The following NOTCH4 variants were observed in gnomAD, a reference collection of about 807,000 sequenced individuals.
The protein encoded by NOTCH4 is neurogenic locus notch homolog protein 4.
NOTCH4 carries 138 observed loss-of-function variants against 189.0 expected under a neutral mutation model. The observed-to-expected ratio is 0.73, with a 90% CI of 0.64 to 0.84. The LOEUF is 0.84. NOTCH4 is among the 40% of genes least tolerant of loss of function. NOTCH4 has a pLI of 0.00. For missense variants in NOTCH4, 2,286 were observed against 2,605.4 expected (o/e 0.88, Z 2.67); for synonymous variants, 942 against 1,032.8 (o/e 0.91, Z 1.69).
Position 32,222,661 on chromosome 6 carries a change from A to G in NOTCH4, c.301T>C (p.Phe101Leu), listed in dbSNP as rs1410000411. ...AAGCCAGGGAGGCAAGTGCACAAGA[A>G]GCTGGGTGTCAATGGAGAGGGAGAG... is the stretch of plus-strand genomic sequence containing the variant. ...PSSPSPLTPS[F>L]LCTCLPGFTG... The change falls in exon 3 of 30, where the codon TTC becomes CTC. Residue 101 changes from phenylalanine (F) to leucine (L), a missense_variant. This residue lies in a region of NOTCH4 where 1,903 missense variants were observed against 2,261.9 expected (regional missense o/e 0.84). Transcript: ENST00000375023. 1 of 1,605,192 alleles carries G rather than the reference A, an allele frequency of 6.2e-7. No individual in the cohort carries two copies. Among genetic ancestry groups the G allele is most frequent in the Non-Finnish European group, 8.5e-7 (1 of 1,177,556 alleles).
In NOTCH4 at chr6:32,213,710, G is replaced by A. The variant is rs770224442; in HGVS notation, c.2298C>T (p.Thr766=). 1.9e-5 allele frequency: 31 copies of A among 1,612,848 alleles called. No individual in the cohort carries two copies. The highest frequency in any genetic ancestry group is 1.7e-4 in the Middle Eastern group (1 of 6,026). The change falls in exon 14 of 30, where the codon ACC becomes ACT. Residue 766 remains threonine, a synonymous_variant. Coordinates refer to ENST00000375023, the MANE Select transcript of NOTCH4 (RefSeq NM_004557.4). ...CACCAGACACACAGTAGTCAGTGCT[G>A]GTTTGGCACTGGGGCCCTGTGTGGC... ...PPSHTGPQCQ[T]STDYCVSAPC...
At chr6:32,211,594 AAAATAAAT>A (rs55792395) in intron 17 of NOTCH4, among the ~76,000 whole-genome samples, 16,075 of 137,120 alleles carry the variant, frequency 0.12, 1,082 homozygotes, top group Non-Finnish European at 0.14. Context: ...CTCCATCTCA[AAAATAAAT>A]AAATAAATAA....
chr6:32,220,082 A>T, intron 7 of NOTCH4, 47 bp downstream of exon 7: 8 of 1,585,074 alleles, frequency 5.0e-6, no homozygotes, highest in Non-Finnish European at 6.9e-6. Context: ...TTCAGTGCAG[A>T]GGCCTGTCTG....
rs1788949211 is a variant in NOTCH4 at position 32,210,604 on chromosome 6, G to A, written c.2865+148C>T. ...TGAGAAAACTTCAGGAGATAAAGTG[G>A]CATGACTTTGTGGTTAGTTGGGTGT... On this transcript the variant is annotated intron_variant, in intron 18 of 29. Transcript: ENST00000375023. The surrounding 1 kb of genome is among the most constrained non-coding windows in gnomAD (Gnocchi z 4.8). The A allele has an allele frequency of 1.4e-6, 1 of 721,682 alleles. No individual in the cohort carries two copies. Among genetic ancestry groups the A allele is most frequent in the East Asian group, 2.7e-5 (1 of 37,032 alleles). 44.7% of individuals were successfully genotyped at this position (721,682 alleles called of 1,614,324 possible).
chr6:32,224,032 C>T lies in NOTCH4; in HGVS notation c.-104G>A, dbSNP rs941801760. 21 of 1,181,260 alleles carry T rather than the reference C, an allele frequency of 1.8e-5. No individual in the cohort carries two copies. The highest frequency in any genetic ancestry group is 2.1e-5 in the Non-Finnish European group (18 of 862,410). The allele number at this position is 1,181,260 out of a possible 1,614,324, so 73.2% of individuals were successfully genotyped here. A position where few individuals can be genotyped will look rare whatever the true frequency, so the allele number is the denominator to read the frequency against. ...CACCTCCTCTGCTCCCACTGCCCCT[C>T]TTCTTCCTCCTCGGCCTGCTGCAAG... On this transcript the variant is annotated 5_prime_UTR_variant, in exon 1 of 30. Coordinates refer to ENST00000375023, the MANE Select transcript of NOTCH4 (RefSeq NM_004557.4).
rs1429133208 is a variant in NOTCH4, at chr6:32,220,464, C to T, written c.1100G>A (p.Gly367Glu). ...GCCCACCCGGTCAATGCAGGTGGAT[C>T]CCGGGGCACAGGTGGCAGCAATACA... ...DDCIAATCAP[G>E]STCIDRVGSF... The change falls in exon 6 of 30, where the codon GGA becomes GAA. Residue 367 changes from glycine to glutamate, a missense_variant. Transcript: ENST00000375023. 5 of 1,614,002 alleles carry T rather than the reference C, an allele frequency of 3.1e-6. No individual in the cohort carries two copies. The highest frequency in any genetic ancestry group is 4.2e-6 in the Non-Finnish European group (5 of 1,180,026).
intron 7 of NOTCH4, 74 bp from the exon 8 acceptor site, chr6:32,219,860 G>C: frequency 7.8e-7 from 1 of 1,279,980 alleles, no homozygotes; most frequent in South Asian, 1.4e-5. Flanking sequence ...TGTCAGGGAA[G>C]GTGTGGGGGC....
chr6:32,213,884 C>T, intron 13 of NOTCH4, 44 bp from the exon 14 acceptor site: 7 of 1,598,648 alleles, frequency 4.4e-6, no homozygotes, highest in Non-Finnish European at 6.0e-6. Flanking sequence ...TCCTCCTTCC[C>T]TCCCTCCGCT....
At position 32,223,075 on chromosome 6, in the gene NOTCH4, C is replaced by G; in HGVS notation, c.85G>C (p.Gly29Arg). ...TTGGCACAGGGTTCTGGGAAACTCC[C>G]ACACAGCAGCCCTGAGGGTGGAGAG... is the stretch of plus-strand genomic sequence containing the variant. ...SVVRPRGLLC[G>R]SFPEPCANGG... Residue 29 changes from glycine (G) to arginine (R), a missense_variant, in exon 2 of 30, where the codon GGG (glycine) becomes CGG (arginine). Gly to Arg is a moderately radical substitution (Grantham distance 125, BLOSUM62 -2). This residue lies in a region of NOTCH4 where 1,903 missense variants were observed against 2,261.9 expected (regional missense o/e 0.84). Transcript: ENST00000375023. The G allele has an allele frequency of 6.2e-7, 1 of 1,614,000 alleles. No individual in the cohort carries two copies. The highest frequency in any genetic ancestry group is 8.5e-7 in the Non-Finnish European group (1 of 1,179,920).
chr6:32,211,313 G>A (rs144180004), intron 17 of NOTCH4, among the ~76,000 whole-genome samples: 25 of 151,324 alleles, frequency 1.7e-4, no homozygotes, highest in Middle Eastern at 3.4e-3. Context: ...GGATGTGGCC[G>A]GGCGTGGTGG....
Position 32,195,039 on chromosome 6 carries a change from A to C in NOTCH4, c.*398T>G, listed in dbSNP as rs1264829283. On this transcript the variant is annotated 3_prime_UTR_variant, in exon 30 of 30. Transcript: ENST00000375023. The surrounding 1 kb of genome is among the most constrained non-coding windows in gnomAD (Gnocchi z 5.4). ...AGTGCCTGGCACATAGTAGGTGCCC[A>C]ATAAATATTTGTCAGCCATTTGTGG... is the stretch of plus-strand genomic sequence containing the variant. 1.1e-5 allele frequency: 3 copies of C among 262,690 alleles called. No homozygotes were observed. In the East Asian group the frequency reaches 1.7e-4, roughly 15 times the overall value. The allele number at this position is 262,690 out of a possible 1,614,324, so 16.3% of individuals were successfully genotyped here. A position where few individuals can be genotyped will look rare whatever the true frequency, so the allele number is the denominator to read the frequency against.
Position 32,201,499 on chromosome 6 carries a change from G to C in NOTCH4, c.3757C>G (p.Pro1253Ala), listed in dbSNP as rs748494541. The C allele has an allele frequency of 3.9e-5, 58 of 1,484,116 alleles. No homozygotes were observed. The highest frequency in any genetic ancestry group is 5.2e-5 in the Non-Finnish European group (58 of 1,116,790). The allele number at this position is 1,484,116 out of a possible 1,614,324, so 91.9% of individuals were successfully genotyped here. Residue 1253 changes from proline (P) to alanine (A), a missense_variant and splice_region_variant, in exon 22 of 30, where the codon CCA becomes GCA. Transcript: ENST00000375023. The surrounding 1 kb of genome is among the most constrained non-coding windows in gnomAD (Gnocchi z 5.5). ...YDCETPPACT[P>A]AYDQYCHDHF... ...TCATGGCAGTACTGGTCATAGGCTG[G>C]ACTGTGGGGTAAGGAGAGGGGGACT...
chr6:32,202,296 C>G lies in NOTCH4; in HGVS notation c.3535G>C (p.Glu1179Gln). 1 of 1,609,430 alleles carries G rather than the reference C, an allele frequency of 6.2e-7. No homozygotes were observed. The highest frequency in any genetic ancestry group is 1.7e-5 in the Admixed American group (1 of 59,888). ...CAGGCCCCATCTCCACTTCTGCCCT[C>G]ACACCCCTTGGCTCCGGGTTTCTGA... The part of the protein sequence containing the change: ...RCQKPGAKGC[E>Q]GRSGDGACDA... Residue 1179 changes from glutamate to glutamine, a missense_variant, in exon 21 of 30, where the codon GAG (glutamate) becomes CAG (glutamine). Physicochemically the swap from Glu to Gln is conservative, Grantham distance 29. Transcript: ENST00000375023. The surrounding 1 kb of genome is among the most constrained non-coding windows in gnomAD (Gnocchi z 5.7).
Position 32,219,579 on chromosome 6 carries a change from A to C in NOTCH4, c.1510+13T>G. ...CCCTGTTTTCCCCACCCAAGGCCCC[A>C]TCCAGCTGATACCTGGCGGGCAGAG... On this transcript the variant is annotated intron_variant, in intron 8 of 29. Transcript: ENST00000375023. 6.2e-7 allele frequency: 1 copy of C among 1,611,066 alleles called. No homozygotes were observed. Among genetic ancestry groups the C allele is most frequent in the Non-Finnish European group, 8.5e-7 (1 of 1,179,000 alleles).
chr6:32,215,277 C>T lies in NOTCH4; in HGVS notation c.1970G>A (p.Gly657Asp). ...GCAGTTGTCCTCAGGTGGGGCACAG[C>T]CAGGGCTTCCATCAGGACAGAGGCA... ...ANCLCPDGSP[G>D]CAPPEDNCTC... Residue 657 changes from glycine to aspartate, a missense_variant, in exon 12 of 30, where the codon GGC (glycine) becomes GAC (aspartate). Physicochemically the swap from Gly to Asp is moderately conservative, Grantham distance 94. Transcript: ENST00000375023. 1 of 1,606,200 alleles carries T rather than the reference C, an allele frequency of 6.2e-7. No individual in the cohort carries two copies. Among genetic ancestry groups the T allele is most frequent in the South Asian group, 1.1e-5 (1 of 89,348 alleles).
Position 32,222,511 on chromosome 6 carries a change from C to G in NOTCH4, c.451G>C (p.Gly151Arg). Residue 151 changes from glycine (G) to arginine (R), a missense_variant and splice_region_variant, in exon 3 of 30, where the codon GGT becomes CGT. Physicochemically the swap from Gly to Arg is moderately radical, Grantham distance 125. Around this residue, in one of 2 missense-constraint regions of NOTCH4, gnomAD observed 1,903 missense variants for 2,261.9 expected, o/e 0.84. Transcript: ENST00000375023. ...PQCSCMPGWT[G>R]EQCQLRDFCS... The stretch of plus-strand genomic sequence containing the variant: ...CCTGGCTGCCCCCAGCAGCGCTTAC[C>G]TGTCCATCCAGGCATGCAGGAGCAC... 6.6e-7 allele frequency: 1 copy of G among 1,523,502 alleles called. No homozygotes were observed. The highest frequency in any genetic ancestry group is 1.3e-5 in the South Asian group (1 of 75,226). The allele number at this position is 1,523,502 out of a possible 1,614,324, so 94.4% of individuals were successfully genotyped here.
At position 32,200,775 on chromosome 6, in the gene NOTCH4, A is replaced by G. The variant is rs1178580149; in HGVS notation, c.4315+56T>C. The G allele has an allele frequency of 8.9e-5, 127 of 1,429,000 alleles. No homozygotes were observed. The highest frequency in any genetic ancestry group is 1.1e-4 in the Non-Finnish European group (120 of 1,062,826). The allele number at this position is 1,429,000 out of a possible 1,614,324, so 88.5% of individuals were successfully genotyped here. A position where few individuals can be genotyped will look rare whatever the true frequency, so the allele number is the denominator to read the frequency against. On this transcript the variant is annotated intron_variant, in intron 23 of 29. Transcript: ENST00000375023. This position sits in a 1 kb window ranked among gnomAD's most constrained non-coding sequence, Gnocchi z 5.0. The stretch of plus-strand genomic sequence containing the variant: ...GATTCAGCCTCCATTGCCTGTTGCT[A>G]GCATGAGAGCTGGCCTGGGAACAGA...
Position 32,201,451 on chromosome 6 carries a change from C to T in NOTCH4, c.3805G>A (p.Glu1269Lys), listed in dbSNP as rs1407786575. ...CACTCTGCAGTGTTGCAGCCTTTCT[C>T]ACAGTGCCCGTTGTGGAAGTGATCA... ...CHDHFHNGHC[E>K]KGCNTAECGW... The change falls in exon 22 of 30, where the codon GAG (glutamate) becomes AAG (lysine). Residue 1269 changes from glutamate to lysine, a missense_variant. Around this residue, in one of 2 missense-constraint regions of NOTCH4, gnomAD observed 1,903 missense variants for 2,261.9 expected, o/e 0.84. Coordinates refer to ENST00000375023, the MANE Select transcript of NOTCH4 (RefSeq NM_004557.4). This position sits in a 1 kb window ranked among gnomAD's most constrained non-coding sequence, Gnocchi z 5.5. 2 of 1,530,292 alleles carry T rather than the reference C, an allele frequency of 1.3e-6. No homozygotes were observed. The highest frequency in any genetic ancestry group is 2.1e-5 in the Admixed American group (1 of 47,400). The allele number at this position is 1,530,292 out of a possible 1,614,324, so 94.8% of individuals were successfully genotyped here.
chr6:32,202,303 C>G lies in NOTCH4; in HGVS notation c.3528G>C (p.Lys1176Asn). ...CATCTCCACTTCTGCCCTCACACCC[C>G]TTGGCTCCGGGTTTCTGACACCGGG... ...PGPRCQKPGA[K>N]GCEGRSGDGA... is the part of the protein sequence containing the mutation. The change falls in exon 21 of 30, where the codon AAG becomes AAC. Residue 1176 changes from lysine (K) to asparagine (N), a missense_variant. Physicochemically the swap from Lys to Asn is moderately conservative, Grantham distance 94. Around this residue, in one of 2 missense-constraint regions of NOTCH4, gnomAD observed 1,903 missense variants for 2,261.9 expected, o/e 0.84. Coordinates refer to ENST00000375023, the MANE Select transcript of NOTCH4 (RefSeq NM_004557.4). This position sits in a 1 kb window ranked among gnomAD's most constrained non-coding sequence, Gnocchi z 5.7. The G allele has an allele frequency of 3.1e-6, 5 of 1,611,874 alleles. No homozygotes were observed. Among genetic ancestry groups the G allele is most frequent in the Non-Finnish European group, 4.2e-6 (5 of 1,179,138 alleles).
Sources: gnomAD v4.1 joint callset for allele counts (sites outside exome capture counted in the v4.1 genomes callset) on GRCh38, gnomAD v4.1.1 for gene constraint, gnomAD v4.1.1 regional missense constraint, Gnocchi (gnomAD v3.1) non-coding constraint, MANE v1.5 for transcripts, NCBI Gene and HGNC (gene_info 2026-07-23, HGNC 2026-07-21) for gene names.